TP53BP2: variants seen among roughly 807,000 people sequenced by gnomAD.
TP53BP2 encodes tumor protein p53 binding protein 2.
TP53BP2 carries 62 observed loss-of-function variants against 126.2 expected under a neutral mutation model. That is an observed-to-expected ratio of 0.49 (90% CI 0.40 to 0.61). The LOEUF (loss-of-function observed/expected upper bound fraction) is 0.61. Ranked by LOEUF, TP53BP2 falls within the 20% of genes least tolerant of loss-of-function variation. TP53BP2 has a pLI of 0.00. For missense variants in TP53BP2, 1,215 were observed against 1,402.8 expected (o/e 0.87, Z 2.14); for synonymous variants, 485 against 502.9 (o/e 0.96, Z 0.48).
chr1:223,795,939 A>G lies in TP53BP2; in HGVS notation c.2600T>C (p.Val867Ala). Reference sequence around the variant, plus strand: ...GTATGGAGGGTACTCCTCCAGGTACACATCAAGCACATGTGGAGCCTCTGG... The same window carrying G: ...GTATGGAGGGTACTCCTCCAGGTACGCATCAAGCACATGTGGAGCCTCTGG... ...PNPEAPHVLD[V>A]YLEEYPPYPP... is the part of the protein sequence containing the mutation. Residue 867 changes from valine (V) to alanine (A), a missense_variant, in exon 13 of 18, where the codon GTG becomes GCG. By Grantham distance (64) the Val-to-Ala change is moderately conservative (BLOSUM62 0). Transcript: ENST00000343537. 1 of 1,614,128 alleles carries G rather than the reference A, an allele frequency of 6.2e-7. No individual in the cohort carries two copies.
At chr1:223,794,460 C>A (rs757269081) in intron 13 of TP53BP2, among the ~76,000 whole-genome samples, 1 of 152,114 alleles carries the variant, frequency 6.6e-6, no homozygotes, top group African/African-American at 2.4e-5. Context: ...AAAGAATGTA[C>A]GAGATAGTTG....
intron 2 of TP53BP2, among the ~76,000 whole-genome samples, chr1:223,818,519 A>G (rs1214598971): frequency 6.6e-6 from 1 of 150,562 alleles, no homozygotes; most frequent in Non-Finnish European, 1.5e-5. Flanking sequence ...AAAAAAAAAG[A>G]AAAGAAAAGA....
intron 2 of TP53BP2, among the ~76,000 whole-genome samples, chr1:223,818,953 G>A (rs545446279): frequency 6.6e-6 from 1 of 151,988 alleles, no homozygotes. Context: ...GGGAGGCCGA[G>A]GTGGCGGATC....
intron 2 of TP53BP2, among the ~76,000 whole-genome samples, chr1:223,817,925 C>CCAAA (rs1663146537): frequency 1.6e-5 from 1 of 62,080 alleles, no homozygotes. Flanking sequence ...GACTCAGTCT[C>CCAAA]AAAAAAAAAA....
intron 4 of TP53BP2, among the ~76,000 whole-genome samples, chr1:223,809,987 C>T (rs758850801): frequency 5.3e-5 from 8 of 152,096 alleles, no homozygotes; most frequent in Non-Finnish European, 8.8e-5. Context: ...CTACTACACC[C>T]GGCTAATTCT....
At chr1:223,845,581 G>C in intron 1 of TP53BP2, 73 bp downstream of exon 1, 1 of 1,456,594 alleles carries the variant, frequency 6.9e-7, no homozygotes, top group Non-Finnish European at 9.0e-7. Context: ...ACGCGCCCGA[G>C]GGCGCGGACC....
chr1:223,829,816 A>G (rs1383362178), intron 1 of TP53BP2, among the ~76,000 whole-genome samples: 1 of 152,034 alleles, frequency 6.6e-6, no homozygotes, highest in Non-Finnish European at 1.5e-5. Context: ...AAGGCTCGTG[A>G]CATCTTGCTT....
In TP53BP2 at chr1:223,802,350, G is replaced by GA. The variant is rs1398438878; in HGVS notation, c.997-7dup. ...AGATTTCCATCAGATGAAACCTTAGGAAAGAAGCACAGGTCCTTTAGTATT... is the reference window on the plus strand; with the variant it reads ...AGATTTCCATCAGATGAAACCTTAGGAAAAGAAGCACAGGTCCTTTAGTATT... On this transcript the variant is annotated splice_region_variant and splice_polypyrimidine_tract_variant and intron_variant, in intron 8 of 17. Transcript: ENST00000343537. 1 of 1,613,302 alleles carries GA rather than the reference G, an allele frequency of 6.2e-7. No homozygotes were observed. The highest frequency in any genetic ancestry group is 1.7e-5 in the Admixed American group (1 of 59,864).
chr1:223,845,358 C>A, intron 1 of TP53BP2: 3 of 717,822 alleles, frequency 4.2e-6, no homozygotes, highest in Non-Finnish European at 5.1e-6. Flanking sequence ...CAGTGAAAGA[C>A]GAAAAGTTTG....
chr1:223,824,636 A>C (rs911586166), intron 1 of TP53BP2, among the ~76,000 whole-genome samples: 1 of 152,164 alleles, frequency 6.6e-6, no homozygotes, highest in African/African-American at 2.4e-5. Flanking sequence ...ACAAACCTGC[A>C]CATCCTGCAC....
At chr1:223,793,535 G>A in intron 13 of TP53BP2, 95 bp from the exon 14 acceptor site, 1 of 1,256,028 alleles carries the variant, frequency 8.0e-7, no homozygotes, top group Non-Finnish European at 1.1e-6. Flanking sequence ...CTAAATTAGT[G>A]AGAGGCACTT....
In TP53BP2 at chr1:223,817,486, C is replaced by A. The variant is rs564519090; in HGVS notation, c.176-3133G>T. On this transcript the variant is annotated intron_variant, in intron 2 of 17. Transcript: ENST00000343537. ...AGAATTCCATTTTTGGCATCCACCC[C>A]CTAGAGAAATGCTTGCATAGGATCA... is the stretch of plus-strand genomic sequence containing the variant. Among the ~76,000 whole-genome samples, 8 of 152,126 alleles carry A rather than the reference C, an allele frequency of 5.3e-5. No individual in the cohort carries two copies. In the East Asian group the frequency reaches 1.5e-3, roughly 29 times the overall value.
intron 1 of TP53BP2, among the ~76,000 whole-genome samples, chr1:223,842,701 A>AT (rs2102895465): frequency 6.6e-6 from 1 of 152,382 alleles, no homozygotes; most frequent in South Asian, 2.1e-4. Flanking sequence ...TGTTTTGAGC[A>AT]TAACACTTCA....
chr1:223,812,401 A>G (rs1469317128), intron 3 of TP53BP2, among the ~76,000 whole-genome samples: 5 of 151,944 alleles, frequency 3.3e-5, no homozygotes, highest in African/African-American at 1.2e-4. Context: ...TTTTTTTTGG[A>G]GACGGAGTCT....
chr1:223,821,531 G>T (rs984277557), intron 1 of TP53BP2, 164 bp from the exon 2 acceptor site: 3 of 903,962 alleles, frequency 3.3e-6, no homozygotes, highest in Non-Finnish European at 5.5e-6. Context: ...TGGGGGTTGA[G>T]GGAGACCTGG....
intron 5 of TP53BP2, among the ~76,000 whole-genome samples, chr1:223,805,864 A>T (rs753583163): frequency 1.3e-5 from 2 of 152,230 alleles, no homozygotes; most frequent in African/African-American, 4.8e-5. Flanking sequence ...ATGACTGCTT[A>T]TAACAGCAGA....
rs762669012 is a variant in TP53BP2, at chr1:223,789,018, T to C, written c.3153A>G (p.Gln1051=). 2.3e-5 allele frequency: 37 copies of C among 1,613,846 alleles called. No individual in the cohort carries two copies. The highest frequency in any genetic ancestry group is 3.0e-5 in the Non-Finnish European group (35 of 1,179,902). ...CTACTTGTCACATACCATAAAGAAA[T>C]TGGGAGCACTGAGTGTAGCCTTCCT... ...EMEEGYTQCS[Q]FLYGVQEKMG... Residue 1051 remains glutamine, a synonymous_variant, in exon 16 of 18, where the codon CAA becomes CAG. Coordinates refer to ENST00000343537, the MANE Select transcript of TP53BP2 (RefSeq NM_001031685.3).
chr1:223,835,731 C>T (rs1234415387), intron 1 of TP53BP2, among the ~76,000 whole-genome samples: 2 of 152,026 alleles, frequency 1.3e-5, no homozygotes, highest in South Asian at 2.1e-4. Flanking sequence ...TTATTAAATC[C>T]CTACAGTGTG....
intron 1 of TP53BP2, among the ~76,000 whole-genome samples, chr1:223,840,297 T>C (rs1003061): frequency 0.27 from 40,667 of 152,180 alleles, 7,205 homozygotes; most frequent in African/African-American, 0.51. Context: ...AATATAACTA[T>C]ACATTTCATA....
Sources: gnomAD v4.1 joint callset for allele counts (sites outside exome capture counted in the v4.1 genomes callset) on GRCh38, gnomAD v4.1.1 for gene constraint, MANE v1.5 for transcripts, NCBI Gene and HGNC (gene_info 2026-07-23, HGNC 2026-07-21) for gene names.